The following TLE7 variants were observed in gnomAD, a reference collection of about 807,000 sequenced individuals.
TLE7 encodes the protein transducin-like enhancer protein 7.
rs982185621 is a variant in TLE7 at position 71,431,499 on chromosome 16, T to C, written c.915A>G (p.Thr305=). The change falls in exon 7 of 10, where the codon ACA becomes ACG. Residue 305 remains threonine (T), a synonymous_variant. Transcript: ENST00000561754. This position sits in a 1 kb window ranked among gnomAD's most constrained non-coding sequence, Gnocchi z 4.5. ...AATACAGGATGGTGTCTTCACCTCC[T>C]GTCCAGAATATATTGCCGGTGATGT... The part of the protein sequence containing the change: ...CVDITGNIFW[T]GGEDTILYSW... The C allele has an allele frequency of 1.1e-4, 43 of 400,682 alleles. No homozygotes were observed. The highest frequency in any genetic ancestry group is 1.8e-4 in the Non-Finnish European group (40 of 226,260). 24.8% of individuals were successfully genotyped at this position (400,682 alleles called of 1,614,324 possible). A position where few individuals can be genotyped will look rare whatever the true frequency, so the allele number is the denominator to read the frequency against.
Position 71,431,869 on chromosome 16 carries a change from G to A in TLE7, c.743C>T (p.Thr248Met), listed in dbSNP as rs1046227826. 3 of 400,544 alleles carry A rather than the reference G, an allele frequency of 7.5e-6. No individual in the cohort carries two copies. Among genetic ancestry groups the A allele is most frequent in the East Asian group, 7.1e-5 (2 of 28,048 alleles). The allele number at this position is 400,544 out of a possible 1,614,324, so 24.8% of individuals were successfully genotyped here. ...AGCCAGAGAATAGCACGTGGGGCCC[G>A]TCGAGGTCAGCTGTGCCCTGACCTG... ...TPQVRAQLTS[T>M]GPTCYSLAVS... Residue 248 changes from threonine to methionine, a missense_variant, in exon 6 of 10, where the codon ACG (threonine) becomes ATG (methionine). Thr to Met is a moderately conservative substitution (Grantham distance 81). Transcript: ENST00000561754. This position sits in a 1 kb window ranked among gnomAD's most constrained non-coding sequence, Gnocchi z 4.5.
chr16:71,441,718 C>T (rs1244124832), intron 1 of TLE7, among the ~76,000 whole-genome samples: 1 of 152,230 alleles, frequency 6.6e-6, no homozygotes. Flanking sequence ...CGCAGGGCCC[C>T]GCTCCCCTGC....
intron 1 of TLE7, among the ~76,000 whole-genome samples, chr16:71,441,170 C>A (rs1203909919): frequency 1.3e-5 from 2 of 152,250 alleles, no homozygotes; most frequent in Non-Finnish European, 2.9e-5. Context: ...TTCCGCCTCC[C>A]CCACAGTCCT....
Position 71,431,536 on chromosome 16 carries a change from G to C in TLE7, c.878C>G (p.Ser293Cys), listed in dbSNP as rs1451074017. ...ATTGCCGGTGATGTCCACACATCGG[G>C]ACCCGTATACAGGAACTTCGTGCTT... The part of the protein sequence containing the change: ...IRKHEVPVYG[S>C]RCVDITGNIF... The change falls in exon 7 of 10, where the codon TCC becomes TGC. Residue 293 changes from serine (S) to cysteine (C), a missense_variant. Transcript: ENST00000561754. This position sits in a 1 kb window ranked among gnomAD's most constrained non-coding sequence, Gnocchi z 4.5. 2 of 400,636 alleles carry C rather than the reference G, an allele frequency of 5.0e-6. No individual in the cohort carries two copies. Among genetic ancestry groups the C allele is most frequent in the African/African-American group, 4.1e-5 (2 of 48,680 alleles). 24.8% of individuals were successfully genotyped at this position (400,636 alleles called of 1,614,324 possible).
intron 4 of TLE7, 138 bp downstream of exon 4, chr16:71,432,527 G>C: frequency 2.5e-6 from 1 of 397,902 alleles, no homozygotes; most frequent in Non-Finnish European, 4.4e-6. Context: ...TGGGGGAACA[G>C]GGAACATAGC....
chr16:71,430,483 G>A (rs2042797279), intron 9 of TLE7, 117 bp from the exon 10 acceptor site: 1 of 398,086 alleles, frequency 2.5e-6, no homozygotes, highest in Non-Finnish European at 4.4e-6. Flanking sequence ...GACAGGGCCA[G>A]GTCTCAGGGA....
At chr16:71,432,050 T>A (rs2042806609) in intron 5 of TLE7, 48 bp from the exon 6 acceptor site, 1 of 400,776 alleles carries the variant, frequency 2.5e-6, no homozygotes, top group Admixed American at 4.4e-5. Flanking sequence ...GCACCGAACC[T>A]GGGTCTCACG....
At chr16:71,440,501 G>A (rs992884064) in intron 1 of TLE7, among the ~76,000 whole-genome samples, 16 of 152,050 alleles carry the variant, frequency 1.1e-4, no homozygotes, top group Admixed American at 9.8e-4. Flanking sequence ...AATAGCTAAA[G>A]TGTTAAATTT....
intron 1 of TLE7, among the ~76,000 whole-genome samples, chr16:71,436,229 A>AT (rs1166052312): frequency 6.6e-6 from 1 of 152,100 alleles, no homozygotes; most frequent in East Asian, 1.9e-4. Flanking sequence ...CAGGCATAAG[A>AT]ATCCCCACAT....
At chr16:71,435,664 A>G (rs2145044855) in intron 1 of TLE7, among the ~76,000 whole-genome samples, 1 of 152,380 alleles carries the variant, frequency 6.6e-6, no homozygotes, top group East Asian at 1.9e-4. Flanking sequence ...TTGTCACTGC[A>G]TAACTCAGTA....
intron 1 of TLE7, among the ~76,000 whole-genome samples, chr16:71,441,412 T>C (rs2042847310): frequency 6.6e-6 from 1 of 152,216 alleles, no homozygotes; most frequent in African/African-American, 2.4e-5. Context: ...AGAGCGTCCT[T>C]GGGGTTCTGG....
At chr16:71,441,045 G>A (rs1040557549) in intron 1 of TLE7, among the ~76,000 whole-genome samples, 2 of 152,202 alleles carry the variant, frequency 1.3e-5, no homozygotes, top group African/African-American at 4.8e-5. Flanking sequence ...GCCATGGGAA[G>A]TTTGCATTCC....
At chr16:71,441,345 A>G (rs961880853) in intron 1 of TLE7, among the ~76,000 whole-genome samples, 28 of 152,246 alleles carry the variant, frequency 1.8e-4, no homozygotes, top group Non-Finnish European at 7.3e-5. Flanking sequence ...TCGGCCTCCC[A>G]CAGTGCTGGG....
intron 1 of TLE7, among the ~76,000 whole-genome samples, chr16:71,439,007 C>G (rs1008297068): frequency 5.3e-5 from 8 of 152,236 alleles, no homozygotes; most frequent in Non-Finnish European, 1.2e-4. Flanking sequence ...ACCTGTGCCC[C>G]TTCCCCACCA....
chr16:71,439,863 GCC>G (rs1021839249), intron 1 of TLE7, among the ~76,000 whole-genome samples: 3 of 152,162 alleles, frequency 2.0e-5, no homozygotes, highest in Non-Finnish European at 4.4e-5. Context: ...TTAAGTATAT[GCC>G]CCCAAAAATG....
Position 71,433,038 on chromosome 16 carries a change from C to T in TLE7, c.287G>A (p.Gly96Glu), listed in dbSNP as rs1369113743. The change falls in exon 2 of 10, where the codon GGA becomes GAA. Residue 96 changes from glycine to glutamate, a missense_variant. Gly to Glu is a moderately conservative substitution (Grantham distance 98, BLOSUM62 -2). Coordinates refer to ENST00000561754, the MANE Select transcript of TLE7 (RefSeq NM_001367365.2). ...QAAGLPDAQP[G>E]EAAESSPSFL... is the part of the protein sequence containing the mutation. ...CCTTGGGCTGGACTCTGCTGCTTCT[C>T]CTGGTTGTGCATCAGGGAGCCCAGC... The T allele has an allele frequency of 2.5e-6, 1 of 398,660 alleles. No homozygotes were observed. Among genetic ancestry groups the T allele is most frequent in the African/African-American group, 2.1e-5 (1 of 48,638 alleles). The allele number at this position is 398,660 out of a possible 1,614,324, so 24.7% of individuals were successfully genotyped here. A position where few individuals can be genotyped will look rare whatever the true frequency, so the allele number is the denominator to read the frequency against.
Position 71,433,203 on chromosome 16 carries a change from T to G in TLE7, c.122A>C (p.Gln41Pro), listed in dbSNP as rs922093156. 1.0e-5 allele frequency: 4 copies of G among 398,678 alleles called. No homozygotes were observed. Among genetic ancestry groups the G allele is most frequent in the African/African-American group, 8.2e-5 (4 of 48,652 alleles). 24.7% of individuals were successfully genotyped at this position (398,678 alleles called of 1,614,324 possible). A position where few individuals can be genotyped will look rare whatever the true frequency, so the allele number is the denominator to read the frequency against. Residue 41 changes from glutamine to proline, a missense_variant, in exon 2 of 10, where the codon CAG becomes CCG. Gln to Pro is a moderately conservative substitution (Grantham distance 76). Coordinates refer to ENST00000561754, the MANE Select transcript of TLE7 (RefSeq NM_001367365.2). ...CACTCCCAACAGACTGCCCAGTTGC[T>G]GCTGCACTTGTGGCTCAGGCTGAGA... ...VSSQPEPQVQ[Q>P]QLGSLLGVPW...
intron 2 of TLE7, 54 bp downstream of exon 2, chr16:71,432,960 C>T: frequency 2.5e-6 from 1 of 399,280 alleles, no homozygotes; most frequent in Non-Finnish European, 4.4e-6. Context: ...CTGGGATGCC[C>T]TCTCCCCAGT....
chr16:71,438,808 C>T (rs1446597556), intron 1 of TLE7, among the ~76,000 whole-genome samples: 1 of 152,006 alleles, frequency 6.6e-6, no homozygotes, highest in Non-Finnish European at 1.5e-5. Flanking sequence ...ACCAGATGGA[C>T]AGAGAGTGCA....
Sources: gnomAD v4.1 joint callset for allele counts (sites outside exome capture counted in the v4.1 genomes callset) on GRCh38, gnomAD v4.1.1 for gene constraint, Gnocchi (gnomAD v3.1) non-coding constraint, MANE v1.5 for transcripts, NCBI Gene and HGNC (gene_info 2026-07-23, HGNC 2026-07-21) for gene names.